The following GET4 variants were observed in gnomAD, a reference collection of about 807,000 sequenced individuals.
GET4 encodes guided entry of tail-anchored proteins factor 4.
A neutral mutation model predicts 40.0 loss-of-function variants in GET4; 20 were observed. The ratio of observed to expected loss-of-function variants is 0.50; its 90% CI spans 0.35 to 0.73. The LOEUF is 0.73. Among genes scored for constraint, GET4 ranks in the 30% least tolerant of loss-of-function variants. The pLI is 0.01. For missense variants in GET4, 557 were observed against 454.0 expected (o/e 1.23, Z -2.06); for synonymous variants, 280 against 194.6 (o/e 1.44, Z -3.65).
chr7:880,199 G>C (rs1844056113), intron 1 of GET4: 1 of 152,268 alleles, frequency 6.6e-6, no homozygotes, highest in South Asian at 2.1e-4. Flanking sequence ...GAATTAGCTG[G>C]GTGTGGTGGC....
In GET4 at chr7:876,699, C is replaced by T. The variant is rs778147329; in HGVS notation, c.54C>T (p.Arg18=). ...AEQESARNGG[R]NRGGVQRVEG... ...AGGAGAGCGCCCGGAACGGCGGCCG[C>T]AACCGCGGCGGCGTCCAGCGTGTGG... The change falls in exon 1 of 9, where the codon CGC becomes CGT. Residue 18 remains arginine (R), a synonymous_variant. Transcript: ENST00000265857. The T allele has an allele frequency of 7.2e-5, 98 of 1,355,956 alleles. No individual in the cohort carries two copies. The African/African-American group carries it at 1.4e-3, about 20-fold the overall frequency. The allele number at this position is 1,355,956 out of a possible 1,614,324, so 84.0% of individuals were successfully genotyped here. A position where few individuals can be genotyped will look rare whatever the true frequency, so the allele number is the denominator to read the frequency against.
rs769639172 is a variant in GET4, at chr7:887,133, C to G, written c.317-237C>G. ...ACTCCAGCTCCCCACGGCACCTTCC[C>G]CAGCCCCCGCCTCGGCCAGGGCGTC... On this transcript the variant is annotated intron_variant, in intron 3 of 8. Transcript: ENST00000265857. 136 of 677,880 alleles carry G rather than the reference C, an allele frequency of 2.0e-4. 1 individual carries two copies. The highest frequency in any genetic ancestry group is 8.2e-5 in the Admixed American group (4 of 48,520). 42.0% of individuals were successfully genotyped at this position (677,880 alleles called of 1,614,324 possible).
chr7:892,497 G>A (rs187592957), intron 6 of GET4, 79 bp downstream of exon 6: 16 of 1,467,326 alleles, frequency 1.1e-5, no homozygotes, highest in Non-Finnish European at 1.5e-5. Flanking sequence ...TAGCTGTGTG[G>A]GTGTGTGTGC....
Position 892,278 on chromosome 7 carries a change from G to A in GET4, c.606G>A (p.Gln202=), listed in dbSNP as rs552641063. The change falls in exon 6 of 9, where the codon CAG becomes CAA. Residue 202 remains glutamine, a splice_region_variant and synonymous_variant. Coordinates refer to ENST00000265857, the MANE Select transcript of GET4 (RefSeq NM_015949.3). The part of the protein sequence containing the change: ...VDMFVAQAVL[Q]FLCLKNKSSA... The stretch of plus-strand genomic sequence containing the variant: ...ACCACCAGCATGTTCTCATTTCCAG[G>A]TTTCTCTGTTTAAAAAACAAAAGTA... 3.2e-6 allele frequency: 5 copies of A among 1,586,660 alleles called. No homozygotes were observed. Among genetic ancestry groups the A allele is most frequent in the African/African-American group, 2.7e-5 (2 of 74,634 alleles).
chr7:893,841 G>A, intron 7 of GET4, 26 bp downstream of exon 7: 1 of 1,607,996 alleles, frequency 6.2e-7, no homozygotes. Flanking sequence ...TGGGGAGGGA[G>A]GAGGGGACCC....
intron 8 of GET4, among the ~76,000 whole-genome samples, chr7:894,536 T>C (rs998242677): frequency 1.3e-5 from 2 of 152,170 alleles, no homozygotes; most frequent in African/African-American, 4.8e-5. Context: ...TGGCAGGCCC[T>C]GTCCTCCCCG....
chr7:892,768 G>A (rs531725058), intron 6 of GET4, among the ~76,000 whole-genome samples: 133 of 151,412 alleles, frequency 8.8e-4, no homozygotes, highest in African/African-American at 3.1e-3. Context: ...GTATCCATGT[G>A]GTGTGGGGGT....
rs1346022121 is a variant in GET4 at position 893,333 on chromosome 7, G to A, written c.747-407G>A. On this transcript the variant is annotated intron_variant, in intron 6 of 8. Transcript: ENST00000265857. ...GTGTGTGCAGGTGAGTGTTGGGCGCGGGCGTGGTGGTGGTTGCAGGTGAGT... is the reference window on the plus strand; with the variant it reads ...GTGTGTGCAGGTGAGTGTTGGGCGCAGGCGTGGTGGTGGTTGCAGGTGAGT... Among the ~76,000 whole-genome samples the A allele has an allele frequency of 2.7e-4, 32 of 117,236 alleles. 2 individuals carry two copies. Among genetic ancestry groups the A allele is most frequent in the Admixed American group, 2.6e-3 (28 of 10,596 alleles). The allele number at this position is 117,236 out of a possible 152,430, so 76.9% of individuals were successfully genotyped here.
At chr7:894,603 C>T (rs1415294661) in intron 8 of GET4, among the ~76,000 whole-genome samples, 1 of 152,198 alleles carries the variant, frequency 6.6e-6, no homozygotes, top group Non-Finnish European at 1.5e-5. Flanking sequence ...GGCACCTCCA[C>T]CCCAACACCC....
chr7:889,751 T>A (rs1214663518), intron 4 of GET4, among the ~76,000 whole-genome samples: 2 of 53,186 alleles, frequency 3.8e-5, no homozygotes, highest in Non-Finnish European at 7.4e-5. Context: ...GGTCTGGGAG[T>A]GGAGGGAGCG....
At chr7:882,082 G>GC (rs1468611926) in intron 1 of GET4, 1 of 152,306 alleles carries the variant, frequency 6.6e-6, no homozygotes, top group Non-Finnish European at 1.5e-5. Context: ...CCGCTGACAG[G>GC]CCCCAGCTTG....
In GET4 at chr7:895,648, C is replaced by A; in HGVS notation, c.*226C>A. The A allele has an allele frequency of 4.8e-6, 2 of 414,084 alleles. No individual in the cohort carries two copies. Among genetic ancestry groups the A allele is most frequent in the Non-Finnish European group, 8.7e-6 (2 of 229,102 alleles). The allele number at this position is 414,084 out of a possible 1,614,324, so 25.7% of individuals were successfully genotyped here. A position where few individuals can be genotyped will look rare whatever the true frequency, so the allele number is the denominator to read the frequency against. ...GCGTCGCCCCTGCTGGCCGCCGCGT[C>A]CCCCGAGATTGACCCACAATAAAGC... On this transcript the variant is annotated 3_prime_UTR_variant, in exon 9 of 9. Coordinates refer to ENST00000265857, the MANE Select transcript of GET4 (RefSeq NM_015949.3).
intron 1 of GET4, chr7:884,058 G>A: frequency 8.5e-7 from 1 of 1,180,556 alleles, no homozygotes; most frequent in Non-Finnish European, 1.1e-6. Flanking sequence ...CCTCGTGCAG[G>A]AATATGGGTC....
Position 892,390 on chromosome 7 carries a change from A to C in GET4, c.718A>C (p.Ile240Leu). ...PPFVEPLLNF[I>L]WFLLLAVDGG... ...GTTTGTGGAGCCGCTGCTTAACTTC[A>C]TCTGGTTCCTGCTGCTGGCTGTGGA... Residue 240 changes from isoleucine (I) to leucine (L), a missense_variant, in exon 6 of 9, where the codon ATC becomes CTC. Transcript: ENST00000265857. 6.3e-7 allele frequency: 1 copy of C among 1,591,956 alleles called. No homozygotes were observed.
chr7:893,075 G>C (rs1844368519), intron 6 of GET4, among the ~76,000 whole-genome samples: 1 of 149,828 alleles, frequency 6.7e-6, no homozygotes. Flanking sequence ...GGTGTGTGCA[G>C]GCGAGTGTTG....
Position 896,269 on chromosome 7 carries a change from C to T in GET4, c.*847C>T, listed in dbSNP as rs1063819. On this transcript the variant is annotated 3_prime_UTR_variant, in exon 9 of 9. Coordinates refer to ENST00000265857, the MANE Select transcript of GET4 (RefSeq NM_015949.3). ...GATGCTACTCCAAATGTTACCAGAA[C>T]GATGACAAAAGGGGAGACGCTCTAT... The T allele has an allele frequency of 1.3e-5, 2 of 152,182 alleles. No homozygotes were observed. Among genetic ancestry groups the T allele is most frequent in the Non-Finnish European group, 2.9e-5 (2 of 68,046 alleles). 9.4% of individuals were successfully genotyped at this position (152,182 alleles called of 1,614,324 possible). A position where few individuals can be genotyped will look rare whatever the true frequency, so the allele number is the denominator to read the frequency against.
At chr7:880,770 G>C (rs140399031) in intron 1 of GET4, 2 of 152,360 alleles carry the variant, frequency 1.3e-5, no homozygotes, top group African/African-American at 4.8e-5. Flanking sequence ...AGACACTGTC[G>C]TTGTCTTTCC....
chr7:883,843 C>CG, intron 1 of GET4: 1 of 1,019,308 alleles, frequency 9.8e-7, no homozygotes, highest in Non-Finnish European at 1.2e-6. Context: ...CCGCCTTAGA[C>CG]GGTTTGCCTG....
In GET4 at chr7:887,360, C is replaced by T. The variant is rs766504934; in HGVS notation, c.317-10C>T. 2.5e-6 allele frequency: 4 copies of T among 1,576,096 alleles called. No individual in the cohort carries two copies. The highest frequency in any genetic ancestry group is 3.5e-6 in the Non-Finnish European group (4 of 1,157,998). On this transcript the variant is annotated splice_polypyrimidine_tract_variant and intron_variant, in intron 3 of 8. Coordinates refer to ENST00000265857, the MANE Select transcript of GET4 (RefSeq NM_015949.3). ...TGCGTTCCTCTGATGAGGGTCTGTG[C>T]TGTTTGCAGAAAATCTGGCTAAAGT...
Sources: allele counts gnomAD v4.1 joint callset (sites outside exome capture counted in the v4.1 genomes callset), GRCh38; gene constraint gnomAD v4.1.1; transcripts MANE v1.5; gene names NCBI Gene and HGNC (gene_info 2026-07-23, HGNC 2026-07-21).